PDE4DIP: variants seen among roughly 807,000 people sequenced by gnomAD.
PDE4DIP encodes the protein myomegalin.
In PDE4DIP, 59 loss-of-function variants were observed where a neutral mutation model predicts 221.4. The ratio of observed to expected loss-of-function variants is 0.27; its 90% CI spans 0.22 to 0.33. The LOEUF (loss-of-function observed/expected upper bound fraction) is 0.33, where lower values mean the gene tolerates loss of function less well. Among genes scored for constraint, PDE4DIP ranks in the 10% least tolerant of loss-of-function variants. The pLI, the probability that PDE4DIP is intolerant of heterozygous loss-of-function variation, is 1.00. For synonymous variants in PDE4DIP, 404 were observed against 815.9 expected, an observed-to-expected ratio of 0.50 and a Z score of 8.60; for missense variants, 1,036 against 2,154.2, an observed-to-expected ratio of 0.48 and a Z score of 10.28.
At chr1:148,953,067 T>A in intron 5 of PDE4DIP, 4 of 1,614,142 alleles carry the variant, frequency 2.5e-6, no homozygotes, top group Non-Finnish European at 3.4e-6. Flanking sequence ...ATTGCCAGTA[T>A]GTATCGGAAG....
At chr1:148,927,356 C>G (rs1295698160) in intron 1 of PDE4DIP, among the ~76,000 whole-genome samples, 1 of 152,004 alleles carries the variant, frequency 6.6e-6, no homozygotes, top group Non-Finnish European at 1.5e-5. Context: ...TAAAAACATA[C>G]TAGTAATATG....
At chr1:149,025,694 G>A (rs1407034604) in intron 38 of PDE4DIP, 2 of 147,510 alleles carry the variant, frequency 1.4e-5, no homozygotes, top group Middle Eastern at 3.2e-3. Context: ...AACCACTTCT[G>A]TTCAGTTTCT....
At chr1:148,838,398 C>T (rs1486659409) in intron 1 of PDE4DIP, among the ~76,000 whole-genome samples, 1 of 30,766 alleles carries the variant, frequency 3.3e-5, no homozygotes, top group Non-Finnish European at 8.4e-5. Flanking sequence ...TGAGGCACCA[C>T]CTTAATTGAG....
intron 43 of PDE4DIP, chr1:149,030,508 C>G (rs78508148): frequency 1.9e-4 from 180 of 957,786 alleles, no homozygotes; most frequent in Non-Finnish European, 2.2e-4. Flanking sequence ...CTCACATTGT[C>G]ATCATCTCTC....
At chr1:148,885,882 CAT>C, upstream of PDE4DIP, among the ~76,000 whole-genome samples, 1 of 111,132 alleles carries the variant, frequency 9.0e-6, no homozygotes, top group Admixed American at 9.5e-5. Flanking sequence ...ATTATACTAC[CAT>C]ATATGTTATT....
At chr1:149,011,148 C>T (rs1553605094) in intron 31 of PDE4DIP, among the ~76,000 whole-genome samples, 1 of 150,838 alleles carries the variant, frequency 6.6e-6, no homozygotes, top group Admixed American at 6.6e-5. Flanking sequence ...GGGTGCATTT[C>T]ATTTACAAGT....
chr1:149,004,251 C>G (rs1169588748), intron 26 of PDE4DIP, among the ~76,000 whole-genome samples: 6 of 151,998 alleles, frequency 3.9e-5, no homozygotes, highest in Non-Finnish European at 7.4e-5. Context: ...ACTACCTACC[C>G]CATCAGGTAC....
At chr1:148,899,231 A>G (rs1553445266) in intron 1 of PDE4DIP, among the ~76,000 whole-genome samples, 2 of 117,012 alleles carry the variant, frequency 1.7e-5, no homozygotes, top group African/African-American at 7.1e-5. Context: ...TGGCTAGATC[A>G]TGTGGTTTGG....
intron 19 of PDE4DIP, among the ~76,000 whole-genome samples, chr1:148,979,385 C>T (rs2060728201): frequency 6.6e-6 from 1 of 152,130 alleles, no homozygotes; most frequent in South Asian, 2.1e-4. Context: ...AGAACGTGCT[C>T]AGTAAATATT....
rs1314530865 is a variant in PDE4DIP at position 149,030,334 on chromosome 1, A to G, written c.6999+56A>G. On this transcript the variant is annotated intron_variant, in intron 43 of 43. Transcript: ENST00000369354. ...CCAAGCCTGTCCCCCACCCATCACC[A>G]TCCGTTAGCAGATCTTGTAGGTGAC... The G allele has an allele frequency of 1.9e-6, 3 of 1,551,014 alleles. No individual in the cohort carries two copies. In the African/African-American group the frequency reaches 4.1e-5, roughly 21 times the overall value.
intron 5 of PDE4DIP, among the ~76,000 whole-genome samples, chr1:148,956,406 CCTTT>C: frequency 6.6e-6 from 1 of 151,830 alleles, no homozygotes; most frequent in South Asian, 2.1e-4. Flanking sequence ...TTTCTTTGTT[CCTTT>C]CTTATTTATT....
At chr1:148,978,714 C>G (rs1223830024) in intron 19 of PDE4DIP, among the ~76,000 whole-genome samples, 1 of 151,994 alleles carries the variant, frequency 6.6e-6, no homozygotes, top group Non-Finnish European at 1.5e-5. Context: ...TCCTGAGTAG[C>G]TGGAGCTGCA....
chr1:149,019,475 T>C (rs2071885870), intron 35 of PDE4DIP: 1 of 151,964 alleles, frequency 6.6e-6, no homozygotes, highest in African/African-American at 2.4e-5. Flanking sequence ...ATTTAATTAA[T>C]TGATTTCTGT....
chr1:148,969,801 G>T (rs1260960421), intron 14 of PDE4DIP, among the ~76,000 whole-genome samples: 8 of 151,534 alleles, frequency 5.3e-5, no homozygotes, highest in Non-Finnish European at 1.0e-4. Flanking sequence ...CTGCCTCCTG[G>T]GTTCAAGCAA....
At chr1:148,923,474 T>TTTG (rs1399248738) in intron 1 of PDE4DIP, among the ~76,000 whole-genome samples, 1 of 145,626 alleles carries the variant, frequency 6.9e-6, no homozygotes, top group Non-Finnish European at 1.5e-5. Flanking sequence ...GTTATTTGTT[T>TTTG]TTGTTGTTGT....
At position 148,981,251 on chromosome 1, in the gene PDE4DIP, A is replaced by G; in HGVS notation, c.2688-19A>G. ...TTGATGGCTAATCCACTTTCCTTCC[A>G]TGTGGCATGTTTAATCAGCTCTGAG... On this transcript the variant is annotated intron_variant, in intron 20 of 43. Transcript: ENST00000369354. 6.2e-7 allele frequency: 1 copy of G among 1,612,068 alleles called. No homozygotes were observed. The highest frequency in any genetic ancestry group is 2.2e-5 in the East Asian group (1 of 44,870).
intron 5 of PDE4DIP, chr1:148,952,957 T>G (rs140271153): frequency 1.6e-4 from 258 of 1,595,906 alleles, no homozygotes; most frequent in Non-Finnish European, 2.1e-4. Flanking sequence ...TCATGCTTGA[T>G]CGAATCTATC....
At chr1:148,865,076 T>G (rs1195400898) in intron 2 of PDE4DIP, among the ~76,000 whole-genome samples, 2 of 141,250 alleles carry the variant, frequency 1.4e-5, no homozygotes, top group African/African-American at 2.9e-5. Context: ...AATCATTTTT[T>G]CTAATTACAT....
chr1:148,813,859 T>G (rs1667091239), intron 1 of PDE4DIP, among the ~76,000 whole-genome samples: 1 of 104,258 alleles, frequency 9.6e-6, no homozygotes, highest in South Asian at 3.0e-4. Flanking sequence ...TTTAATTGCC[T>G]TAGCACCTTT....
Sources: allele counts gnomAD v4.1 joint callset (sites outside exome capture counted in the v4.1 genomes callset), GRCh38; gene constraint gnomAD v4.1.1; transcripts MANE v1.5; gene names NCBI Gene and HGNC (gene_info 2026-07-23, HGNC 2026-07-21).